The following ATP2A2 variants were observed in gnomAD, a reference collection of about 807,000 sequenced individuals.
ATP2A2 encodes the protein sarcoplasmic/endoplasmic reticulum calcium ATPase 2.
Under a neutral mutation model 109.3 loss-of-function variants are expected in ATP2A2, and 14 were observed. That is an observed-to-expected ratio of 0.13 (90% CI 0.08 to 0.20). The LOEUF (loss-of-function observed/expected upper bound fraction) is 0.20. Ranked by LOEUF, ATP2A2 falls within the 10% of genes least tolerant of loss-of-function variation. The probability of loss-of-function intolerance (pLI) is 1.00; values close to 1 mark genes in which losing one functional copy is unlikely to be tolerated. For missense variants in ATP2A2, 657 were observed against 1,321.6 expected (o/e 0.50, Z 7.80); for synonymous variants, 506 against 490.9 (o/e 1.03, Z -0.41).
intron 3 of ATP2A2, among the ~76,000 whole-genome samples, chr12:110,289,104 C>T (rs1160346687): frequency 6.6e-6 from 1 of 152,176 alleles, no homozygotes. Flanking sequence ...CATTGTCTTT[C>T]CCTTTGCTCT....
At chr12:110,285,134 A>G (rs528318667) in intron 3 of ATP2A2, among the ~76,000 whole-genome samples, 5 of 152,316 alleles carry the variant, frequency 3.3e-5, no homozygotes, top group Middle Eastern at 3.4e-3. Flanking sequence ...ACTTACTTCA[A>G]ATATCAAACT....
intron 11 of ATP2A2, among the ~76,000 whole-genome samples, chr12:110,337,966 T>C (rs1400586674): frequency 1.3e-5 from 2 of 152,226 alleles, no homozygotes; most frequent in African/African-American, 2.4e-5. Flanking sequence ...TAGGTAACGA[T>C]ATAAAGCCAA....
chr12:110,330,085 T>G (rs981069377), intron 8 of ATP2A2: 3 of 152,356 alleles, frequency 2.0e-5, no homozygotes, highest in Non-Finnish European at 4.4e-5. Context: ...GTGTTACATT[T>G]TCCTAGAATG....
At chr12:110,296,822 A>AT in intron 5 of ATP2A2, 85 bp downstream of exon 5, 2 of 1,434,768 alleles carry the variant, frequency 1.4e-6, no homozygotes, top group Non-Finnish European at 1.9e-6. Context: ...TTATATTTAA[A>AT]ATAATTGTTT....
chr12:110,305,416 C>T (rs370762050), intron 5 of ATP2A2, among the ~76,000 whole-genome samples: 72 of 152,218 alleles, frequency 4.7e-4, no homozygotes, highest in African/African-American at 1.6e-3. Flanking sequence ...TTAAAAACAG[C>T]AACAACAGCA....
Position 110,335,765 on chromosome 12 carries a change from T to C in ATP2A2, c.1419+1622T>C, listed in dbSNP as rs115845250. ...TGTATTGGAGGAAGGAGTGTGATGC[T>C]CTCAGAGCAGCCAGGGAGGAGCAGA... is the stretch of plus-strand genomic sequence containing the variant. On this transcript the variant is annotated intron_variant, in intron 11 of 19. Coordinates refer to ENST00000539276, the MANE Select transcript of ATP2A2 (RefSeq NM_170665.4). Among the ~76,000 whole-genome samples the C allele has an allele frequency of 8.1e-3, 1,232 of 152,278 alleles. 1 individual carries two copies. Among genetic ancestry groups the C allele is most frequent in the Non-Finnish European group, 9.5e-3 (644 of 68,014 alleles).
Position 110,349,586 on chromosome 12 carries a change from C to T in ATP2A2, c.*3116C>T, listed in dbSNP as rs367996843. 2.0e-6 allele frequency: 2 copies of T among 986,588 alleles called. No homozygotes were observed. Among genetic ancestry groups the T allele is most frequent in the Non-Finnish European group, 2.4e-6 (2 of 830,712 alleles). 61.1% of individuals were successfully genotyped at this position (986,588 alleles called of 1,614,324 possible). A position where few individuals can be genotyped will look rare whatever the true frequency, so the allele number is the denominator to read the frequency against. On this transcript the variant is annotated 3_prime_UTR_variant, in exon 20 of 20. Transcript: ENST00000539276. ...CCGACTTCCCTCACAACAGCTGCTCCCACATCCCCTCGGACTGGAGCTTCA... is the reference window on the plus strand; with the variant it reads ...CCGACTTCCCTCACAACAGCTGCTCTCACATCCCCTCGGACTGGAGCTTCA...
intron 8 of ATP2A2, chr12:110,330,952 T>C (rs554681416): frequency 6.6e-6 from 1 of 152,306 alleles, no homozygotes; most frequent in South Asian, 2.1e-4. Context: ...TCAAAGAATT[T>C]CACATTTTTG....
In ATP2A2 at chr12:110,342,893, C is replaced by T. The variant is rs1299321004; in HGVS notation, c.2319-339C>T. The stretch of plus-strand genomic sequence containing the variant: ...AGCTGGGATTACAGGCATGCGCCAC[C>T]ACTCCCTGCCATTTTTTTGTGTTTT... On this transcript the variant is annotated intron_variant, in intron 15 of 19. Coordinates refer to ENST00000539276, the MANE Select transcript of ATP2A2 (RefSeq NM_170665.4). This position sits in a 1 kb window ranked among gnomAD's most constrained non-coding sequence, Gnocchi z 4.6. Among the ~76,000 whole-genome samples, 2 of 152,114 alleles carry T rather than the reference C, an allele frequency of 1.3e-5. No individual in the cohort carries two copies. The highest frequency in any genetic ancestry group is 3.8e-4 in the East Asian group (2 of 5,198).
chr12:110,328,316 A>G (rs950018090), intron 8 of ATP2A2, among the ~76,000 whole-genome samples: 1 of 151,516 alleles, frequency 6.6e-6, no homozygotes, highest in African/African-American at 2.4e-5. Flanking sequence ...CACGCCTGTA[A>G]TCCCAGCACT....
Position 110,347,943 on chromosome 12 carries a change from G to A in ATP2A2, c.*1473G>A, listed in dbSNP as rs1015905242. ...TGTGAGCACCGGGGTTGCCTGTGGC[G>A]CCTGCCATGTGACTCGGGCGCAGCA... On this transcript the variant is annotated 3_prime_UTR_variant, in exon 20 of 20. Coordinates refer to ENST00000539276, the MANE Select transcript of ATP2A2 (RefSeq NM_170665.4). 8 of 987,008 alleles carry A rather than the reference G, an allele frequency of 8.1e-6. No homozygotes were observed. The highest frequency in any genetic ancestry group is 1.2e-4 in the Admixed American group (2 of 16,476). 61.1% of individuals were successfully genotyped at this position (987,008 alleles called of 1,614,324 possible).
chr12:110,313,199 T>C (rs116514015), intron 5 of ATP2A2, among the ~76,000 whole-genome samples: 272 of 152,096 alleles, frequency 1.8e-3, no homozygotes, highest in African/African-American at 6.3e-3. Flanking sequence ...CTACTCCCCA[T>C]GATTCAGTGG....
At chr12:110,291,976 T>A in intron 3 of ATP2A2, 44 bp from the exon 4 acceptor site, 1 of 1,553,210 alleles carries the variant, frequency 6.4e-7, no homozygotes, top group Non-Finnish European at 8.9e-7. Flanking sequence ...AAAAGTGACA[T>A]TAAGCCTAAA....
At chr12:110,296,876 T>A in intron 5 of ATP2A2, 139 bp downstream of exon 5, 1 of 1,019,240 alleles carries the variant, frequency 9.8e-7, no homozygotes, top group Non-Finnish European at 1.4e-6. Flanking sequence ...ATACAAATCC[T>A]ACATTCTCTA....
chr12:110,323,275 C>G (rs888111295), intron 6 of ATP2A2, among the ~76,000 whole-genome samples: 10 of 152,196 alleles, frequency 6.6e-5, no homozygotes, highest in Admixed American at 1.3e-4. Context: ...GCCTCCGCCT[C>G]TCAGGTTCAG....
intron 5 of ATP2A2, among the ~76,000 whole-genome samples, chr12:110,308,854 T>C (rs1875663763): frequency 6.6e-6 from 1 of 152,206 alleles, no homozygotes; most frequent in African/African-American, 2.4e-5. Context: ...ATTATGAAAT[T>C]GGATGTGAAG....
At position 110,347,857 on chromosome 12, in the gene ATP2A2, C is replaced by A; in HGVS notation, c.*1387C>A. 3.0e-6 allele frequency: 3 copies of A among 1,012,024 alleles called. No homozygotes were observed. Among genetic ancestry groups the A allele is most frequent in the Non-Finnish European group, 3.5e-6 (3 of 846,102 alleles). 62.7% of individuals were successfully genotyped at this position (1,012,024 alleles called of 1,614,324 possible). On this transcript the variant is annotated 3_prime_UTR_variant, in exon 20 of 20. Coordinates refer to ENST00000539276, the MANE Select transcript of ATP2A2 (RefSeq NM_170665.4). ...AGGTGACTGCCACCAAGTGAGATAA[C>A]TGTATGTCACTAACTTATAAGCCGC...
In ATP2A2 at chr12:110,293,875, T is replaced by A. The variant is rs1372650152; in HGVS notation, c.324+1751T>A. On this transcript the variant is annotated intron_variant, in intron 4 of 19. Transcript: ENST00000539276. ...GTGTGTGTGTGTGTGTATATATTTT[T>A]TTTTTTTTTTTTTTTTTTTTAGATG... 3.5e-3 allele frequency among the ~76,000 whole-genome samples: 479 copies of A among 135,568 alleles called. 12 individuals carry two copies. The highest frequency in any genetic ancestry group is 8.9e-3 in the African/African-American group (315 of 35,412). 88.9% of individuals were successfully genotyped at this position (135,568 alleles called of 152,430 possible).
intron 5 of ATP2A2, among the ~76,000 whole-genome samples, chr12:110,316,109 G>A (rs976622029): frequency 6.6e-6 from 1 of 152,178 alleles, no homozygotes; most frequent in Non-Finnish European, 1.5e-5. Flanking sequence ...AAAATAAAAT[G>A]TTTATTTCCA....
Sources: allele counts gnomAD v4.1 joint callset (sites outside exome capture counted in the v4.1 genomes callset), GRCh38; gene constraint gnomAD v4.1.1; non-coding constraint Gnocchi (gnomAD v3.1); transcripts MANE v1.5; gene names NCBI Gene and HGNC (gene_info 2026-07-23, HGNC 2026-07-21).